The following TBC1D31 variants were observed in gnomAD, a reference collection of about 807,000 sequenced individuals.
TBC1D31 encodes TBC1 domain family member 31.
In TBC1D31, 99 loss-of-function variants were observed where a neutral mutation model predicts 132.9. That is an observed-to-expected ratio of 0.74 (90% CI 0.63 to 0.88). The LOEUF is 0.88. Ranked by LOEUF, TBC1D31 falls within the 40% of genes least tolerant of loss-of-function variation. TBC1D31 has a pLI of 0.00. For missense variants in TBC1D31, 1,134 were observed against 1,256.6 expected (o/e 0.90, Z 1.48); for synonymous variants, 385 against 419.4 (o/e 0.92, Z 1.00).
intron 17 of TBC1D31, among the ~76,000 whole-genome samples, chr8:123,137,515 C>T (rs1821213120): frequency 6.6e-6 from 1 of 152,182 alleles, no homozygotes; most frequent in African/African-American, 2.4e-5. Context: ...TTGTCCTCTC[C>T]CAGTGGAGTT....
At chr8:123,124,268 C>T (rs975068634) in intron 11 of TBC1D31, among the ~76,000 whole-genome samples, 8 of 152,076 alleles carry the variant, frequency 5.3e-5, no homozygotes, top group Admixed American at 4.6e-4. Context: ...TAATTTGGAA[C>T]GTATTTGTAA....
intron 7 of TBC1D31, among the ~76,000 whole-genome samples, chr8:123,104,461 C>A (rs564384899): frequency 6.6e-6 from 1 of 152,132 alleles, no homozygotes; most frequent in Non-Finnish European, 1.5e-5. Flanking sequence ...ATAAGTCAGA[C>A]CACTATTAAT....
chr8:123,131,825 A>G (rs1563741981), intron 16 of TBC1D31, among the ~76,000 whole-genome samples: 1 of 152,168 alleles, frequency 6.6e-6, no homozygotes, highest in Non-Finnish European at 1.5e-5. Flanking sequence ...ATCAGTCTTA[A>G]TATTTGCCAA....
chr8:123,154,643 A>AG (rs1310052802), downstream of TBC1D31, among the ~76,000 whole-genome samples: 1 of 152,242 alleles, frequency 6.6e-6, no homozygotes, highest in Non-Finnish European at 1.5e-5. Flanking sequence ...CAAACAGGCC[A>AG]GCAGGCAGGT....
chr8:123,137,395 T>C (rs186919593), intron 17 of TBC1D31, among the ~76,000 whole-genome samples: 27 of 152,284 alleles, frequency 1.8e-4, no homozygotes, highest in Admixed American at 1.7e-3. Context: ...CCAGAAAAGC[T>C]CTTATATTCA....
chr8:123,144,912 G>A, intron 20 of TBC1D31, 57 bp downstream of exon 20: 2 of 1,506,674 alleles, frequency 1.3e-6, no homozygotes, highest in Non-Finnish European at 1.8e-6. Flanking sequence ...CTTTTAGTAG[G>A]GTCTATTATT....
intron 6 of TBC1D31, among the ~76,000 whole-genome samples, chr8:123,099,432 T>C (rs751430049): frequency 3.4e-4 from 52 of 152,200 alleles, no homozygotes; most frequent in Non-Finnish European, 5.7e-4. Context: ...TATTACATGT[T>C]CTTAATTTTT....
chr8:123,086,843 G>T (rs1815811389), intron 4 of TBC1D31, among the ~76,000 whole-genome samples: 1 of 151,886 alleles, frequency 6.6e-6, no homozygotes, highest in African/African-American at 2.4e-5. Flanking sequence ...TCAGCCTCCT[G>T]AGTACCTGGG....
At chr8:123,122,779 G>A (rs1819619970) in intron 11 of TBC1D31, among the ~76,000 whole-genome samples, 1 of 152,064 alleles carries the variant, frequency 6.6e-6, no homozygotes, top group African/African-American at 2.4e-5. Context: ...TTTATTTCTG[G>A]TAAAATCTTG....
chr8:123,114,593 A>C (rs1404997029), intron 10 of TBC1D31, among the ~76,000 whole-genome samples: 1 of 152,182 alleles, frequency 6.6e-6, no homozygotes, highest in Non-Finnish European at 1.5e-5. Context: ...AAGTGCTGGC[A>C]TTACAGGTGT....
intron 19 of TBC1D31, among the ~76,000 whole-genome samples, 177 bp from the exon 20 acceptor site, chr8:123,144,540 C>A (rs1004949558): frequency 1.3e-5 from 2 of 152,150 alleles, no homozygotes; most frequent in African/African-American, 4.8e-5. Context: ...GCTTTCAAGG[C>A]TCTTAATAGC....
At chr8:123,077,819 C>T (rs1219491509) in intron 2 of TBC1D31, among the ~76,000 whole-genome samples, 1 of 152,034 alleles carries the variant, frequency 6.6e-6, no homozygotes, top group Non-Finnish European at 1.5e-5. Flanking sequence ...GAGGCCAAGG[C>T]GGGCGGATCG....
intron 13 of TBC1D31, chr8:123,127,949 T>C (rs1345498468): frequency 5.9e-6 from 1 of 170,610 alleles, no homozygotes; most frequent in East Asian, 1.6e-4. Context: ...AGCTAATTTA[T>C]TTTCAAAGGC....
At position 123,072,739 on chromosome 8, in the gene TBC1D31, G is replaced by T; in HGVS notation, c.-31G>T. On this transcript the variant is annotated 5_prime_UTR_variant, in exon 1 of 22. Transcript: ENST00000287380. ...GAAGGCGCTGGGACGGTTACCCAGC[G>T]GGCCGCCGGCGGTCGTGGGCAAGCT... 1.3e-6 allele frequency: 2 copies of T among 1,550,362 alleles called. No individual in the cohort carries two copies. Among genetic ancestry groups the T allele is most frequent in the Non-Finnish European group, 1.7e-6 (2 of 1,146,736 alleles).
intron 17 of TBC1D31, among the ~76,000 whole-genome samples, chr8:123,135,702 T>A (rs950780174): frequency 1.3e-5 from 2 of 152,222 alleles, no homozygotes; most frequent in South Asian, 4.1e-4. Flanking sequence ...CCATATAGCA[T>A]CCATTTACAC....
the TBC1D31 span, among the ~76,000 whole-genome samples, chr8:123,158,704 G>A: frequency 1.3e-5 from 2 of 152,182 alleles, no homozygotes; most frequent in African/African-American, 4.8e-5. Flanking sequence ...CAAGCAGGTA[G>A]GGACATACCA....
At chr8:123,089,664 C>T (rs944288320) in intron 4 of TBC1D31, among the ~76,000 whole-genome samples, 2 of 152,222 alleles carry the variant, frequency 1.3e-5, no homozygotes, top group Non-Finnish European at 2.9e-5. Flanking sequence ...ACCAAGATCA[C>T]ACCACTGTGC....
At position 123,124,556 on chromosome 8, in the gene TBC1D31, G is replaced by T. The variant is rs575051163; in HGVS notation, c.1571-1500G>T. Among the ~76,000 whole-genome samples, 4 of 152,142 alleles carry T rather than the reference G, an allele frequency of 2.6e-5. No individual in the cohort carries two copies. In the East Asian group the frequency reaches 7.7e-4, roughly 29 times the overall value. On this transcript the variant is annotated intron_variant, in intron 11 of 21. Coordinates refer to ENST00000287380, the MANE Select transcript of TBC1D31 (RefSeq NM_145647.4). ...GGATCAGGCCTTTGGGTATATGTGT[G>T]GTGTTTTAAGTTCTCAGAACTACCA...
intron 10 of TBC1D31, among the ~76,000 whole-genome samples, chr8:123,115,631 A>G (rs1818844454): frequency 6.6e-6 from 1 of 152,166 alleles, no homozygotes; most frequent in Admixed American, 6.5e-5. Flanking sequence ...CAGCAGGGCC[A>G]CATTCCTTTC....
Sources: allele counts gnomAD v4.1 joint callset (sites outside exome capture counted in the v4.1 genomes callset), GRCh38; gene constraint gnomAD v4.1.1; transcripts MANE v1.5; gene names NCBI Gene and HGNC (gene_info 2026-07-23, HGNC 2026-07-21).